Variants in KLHL29 observed in about 807,000 individuals in gnomAD.
KLHL29 encodes kelch like family member 29, also known as kelch-like protein 29.
KLHL29 carries 21 observed loss-of-function variants against 80.4 expected under a neutral mutation model. The ratio of observed to expected loss-of-function variants is 0.26; its 90% CI spans 0.19 to 0.38. The LOEUF (loss-of-function observed/expected upper bound fraction) is 0.38. Ranked by LOEUF, KLHL29 falls within the 10% of genes least tolerant of loss-of-function variation. The probability of loss-of-function intolerance (pLI) is 1.00; values close to 1 mark genes in which losing one functional copy is unlikely to be tolerated. For missense variants in KLHL29, 867 were observed against 1,223.9 expected, an observed-to-expected ratio of 0.71 and a Z score of 4.35; for synonymous variants, 511 against 526.8, an observed-to-expected ratio of 0.97 and a Z score of 0.41.
At chr2:23,396,894 C>T (rs1182052411) in intron 1 of KLHL29, among the ~76,000 whole-genome samples, 1 of 152,138 alleles carries the variant, frequency 6.6e-6, no homozygotes, top group Non-Finnish European at 1.5e-5. Flanking sequence ...CTCTCTTTCC[C>T]CCAAGAGGAG....
intron 2 of KLHL29, among the ~76,000 whole-genome samples, chr2:23,548,885 G>T (rs1040631990): frequency 6.0e-5 from 9 of 150,650 alleles, no homozygotes; most frequent in Middle Eastern, 3.4e-3. Context: ...CAGCCCCCCT[G>T]CCCTGGGAGT....
chr2:23,412,345 T>G (rs550193741), intron 1 of KLHL29, among the ~76,000 whole-genome samples: 3 of 152,162 alleles, frequency 2.0e-5, no homozygotes, highest in Non-Finnish European at 4.4e-5. Flanking sequence ...GTGTTTATGA[T>G]TGCTTGACCA....
intron 3 of KLHL29, among the ~76,000 whole-genome samples, chr2:23,629,271 G>A (rs1669409072): frequency 6.6e-6 from 1 of 152,204 alleles, no homozygotes; most frequent in Non-Finnish European, 1.5e-5. Context: ...GGCCAGGCCT[G>A]CCCTGCACCT....
At chr2:23,414,764 C>T (rs931929711) in intron 1 of KLHL29, among the ~76,000 whole-genome samples, 1 of 152,238 alleles carries the variant, frequency 6.6e-6, no homozygotes, top group African/African-American at 2.4e-5. Flanking sequence ...TCAGACTGGT[C>T]TGCAGCAAAC....
At chr2:23,485,974 TC>T in intron 2 of KLHL29, among the ~76,000 whole-genome samples, 1 of 152,226 alleles carries the variant, frequency 6.6e-6, no homozygotes, top group East Asian at 1.9e-4. Flanking sequence ...ATTCATACCT[TC>T]TTTGAGCCCA....
intron 3 of KLHL29, among the ~76,000 whole-genome samples, chr2:23,567,243 T>C (rs1039215790): frequency 1.3e-5 from 2 of 152,200 alleles, no homozygotes; most frequent in Non-Finnish European, 2.9e-5. Context: ...AAATGCAATT[T>C]TGTTCCTGAA....
At chr2:23,563,045 A>G (rs1667491316) in intron 3 of KLHL29, among the ~76,000 whole-genome samples, 1 of 152,212 alleles carries the variant, frequency 6.6e-6, no homozygotes, top group South Asian at 2.1e-4. Flanking sequence ...AGGGCTCAGT[A>G]GGCCTTCTAA....
At position 23,683,413 on chromosome 2, in the gene KLHL29, C is replaced by T. The variant is rs140371513; in HGVS notation, c.941-986C>T. Among the ~76,000 whole-genome samples, 14 of 152,356 alleles carry T rather than the reference C, an allele frequency of 9.2e-5. No homozygotes were observed. The East Asian group carries it at 2.5e-3, about 27-fold the overall frequency. ...CTGGGGGCAGGCAGATGAGGCAAGGCTGTTGTGGGGAGCAGTGGTCAACTG... is the reference window on the plus strand; with the variant it reads ...CTGGGGGCAGGCAGATGAGGCAAGGTTGTTGTGGGGAGCAGTGGTCAACTG... On this transcript the variant is annotated intron_variant, in intron 5 of 13. Coordinates refer to ENST00000486442, the MANE Select transcript of KLHL29 (RefSeq NM_052920.2).
chr2:23,656,775 G>A (rs1670257827), intron 5 of KLHL29, among the ~76,000 whole-genome samples: 1 of 152,170 alleles, frequency 6.6e-6, no homozygotes, highest in East Asian at 1.9e-4. Context: ...GGGGCCTGCA[G>A]AGGGGAGGAA....
chr2:23,458,632 C>T (rs778054103), intron 1 of KLHL29, among the ~76,000 whole-genome samples: 3 of 152,242 alleles, frequency 2.0e-5, no homozygotes, highest in Admixed American at 6.5e-5. Flanking sequence ...GGCAACCTCA[C>T]GTCAAGAACT....
intron 2 of KLHL29, among the ~76,000 whole-genome samples, chr2:23,537,528 A>G (rs1197948117): frequency 4.8e-5 from 7 of 146,046 alleles, no homozygotes; most frequent in Non-Finnish European, 9.2e-5. Context: ...CTCATGCCCA[A>G]TATTATGTCA....
chr2:23,520,210 A>T (rs1666049800), intron 2 of KLHL29, among the ~76,000 whole-genome samples: 1 of 152,178 alleles, frequency 6.6e-6, no homozygotes, highest in South Asian at 2.1e-4. Context: ...AAAGCAGCCC[A>T]GACAAGGCCA....
chr2:23,454,224 A>G (rs938543371), intron 1 of KLHL29, among the ~76,000 whole-genome samples: 1 of 150,236 alleles, frequency 6.7e-6, no homozygotes, highest in African/African-American at 2.4e-5. Context: ...TGGGCCCCTG[A>G]CCCTCCCGCC....
chr2:23,543,009 A>T (rs1198848230), intron 2 of KLHL29, among the ~76,000 whole-genome samples: 1 of 152,184 alleles, frequency 6.6e-6, no homozygotes, highest in African/African-American at 2.4e-5. Flanking sequence ...GTAGTGGCTT[A>T]ATCATGTAGC....
At chr2:23,422,105 A>G (rs1662830685) in intron 1 of KLHL29, among the ~76,000 whole-genome samples, 1 of 136,388 alleles carries the variant, frequency 7.3e-6, no homozygotes, top group African/African-American at 2.8e-5. Flanking sequence ...TGTTTGTGTG[A>G]GTGTGTCAGT....
chr2:23,615,735 G>A (rs1323118676), intron 3 of KLHL29, among the ~76,000 whole-genome samples: 1 of 152,178 alleles, frequency 6.6e-6, no homozygotes, highest in Non-Finnish European at 1.5e-5. Context: ...CAGCCTGATG[G>A]TTATGCACCT....
At chr2:23,547,347 C>T (rs1667003936) in intron 2 of KLHL29, among the ~76,000 whole-genome samples, 1 of 152,114 alleles carries the variant, frequency 6.6e-6, no homozygotes, top group Non-Finnish European at 1.5e-5. Context: ...GATAAGAGTT[C>T]TGATGAAAGA....
chr2:23,387,508 TTATTATTATTA>T (rs1558319607), intron 1 of KLHL29, among the ~76,000 whole-genome samples: 1,036 of 87,248 alleles, frequency 0.012, 14 homozygotes, highest in African/African-American at 0.046. Flanking sequence ...TCCTGATTTA[TTATTATTATTA>T]TTATTATTAT....
rs148242652 is a variant in KLHL29 at position 23,700,777 on chromosome 2, C to G, written c.2106-2409C>G. Among the ~76,000 whole-genome samples the G allele has an allele frequency of 7.7e-4, 118 of 152,336 alleles. 1 individual carries two copies. The highest frequency in any genetic ancestry group is 2.8e-3 in the African/African-American group (116 of 41,576). On this transcript the variant is annotated intron_variant, in intron 11 of 13. Transcript: ENST00000486442. The surrounding 1 kb of genome is among the most constrained non-coding windows in gnomAD (Gnocchi z 4.6). Reference sequence around the variant, plus strand: ...CTTGTTCCGGTTGAAGTGCCCTTGACTACAGAGCAGTGGCCTGCTGGAGAT... The same window carrying G: ...CTTGTTCCGGTTGAAGTGCCCTTGAGTACAGAGCAGTGGCCTGCTGGAGAT...
Sources: gnomAD v4.1 joint callset for allele counts (sites outside exome capture counted in the v4.1 genomes callset) on GRCh38, gnomAD v4.1.1 for gene constraint, Gnocchi (gnomAD v3.1) non-coding constraint, MANE v1.5 for transcripts, NCBI Gene and HGNC (gene_info 2026-07-23, HGNC 2026-07-21) for gene names.